The following NFIB variants were observed in gnomAD, a reference collection of about 807,000 sequenced individuals.
The protein encoded by NFIB is nuclear factor 1 B-type.
A neutral mutation model predicts 61.5 loss-of-function variants in NFIB; 11 were observed. That is an observed-to-expected ratio of 0.18 (90% CI 0.11 to 0.30). The LOEUF (loss-of-function observed/expected upper bound fraction) is 0.30. Ranked by LOEUF, NFIB falls within the 10% of genes least tolerant of loss-of-function variation. The pLI, the probability that NFIB is intolerant of heterozygous loss-of-function variation, is 1.00. For missense variants in NFIB, 471 were observed against 608.9 expected (o/e 0.77, Z 2.38); for synonymous variants, 260 against 216.5 (o/e 1.20, Z -1.76).
chr9:14,445,910 T>C, the NFIB span, among the ~76,000 whole-genome samples: 202 of 152,324 alleles, frequency 1.3e-3, no homozygotes, highest in African/African-American at 4.8e-3. Context: ...AATAACATCC[T>C]TTAGAATAGC....
intron 2 of NFIB, among the ~76,000 whole-genome samples, chr9:14,198,605 T>G (rs2048694609): frequency 6.6e-6 from 1 of 152,156 alleles, no homozygotes; most frequent in South Asian, 2.1e-4. Flanking sequence ...GAGCATCAGA[T>G]TCACCTGAGA....
intron 1 of NFIB, among the ~76,000 whole-genome samples, chr9:14,364,639 A>G (rs1391863643): frequency 6.6e-6 from 1 of 152,232 alleles, no homozygotes; most frequent in Non-Finnish European, 1.5e-5. Flanking sequence ...GGATCAAAAT[A>G]GTTTTAAAAA....
intron 2 of NFIB, among the ~76,000 whole-genome samples, chr9:14,222,131 C>T (rs1296677837): frequency 6.6e-6 from 1 of 152,196 alleles, no homozygotes; most frequent in African/African-American, 2.4e-5. Context: ...AGACTTCCTC[C>T]CTTGTCAACT....
chr9:14,247,133 GA>G (rs1280735656), intron 2 of NFIB, among the ~76,000 whole-genome samples: 1 of 152,134 alleles, frequency 6.6e-6, no homozygotes, highest in Non-Finnish European at 1.5e-5. Context: ...TGTGAGAAAA[GA>G]AATTTCTACC....
chr9:14,452,566 ATTTC>A, the NFIB span, among the ~76,000 whole-genome samples: 3 of 152,060 alleles, frequency 2.0e-5, no homozygotes, highest in African/African-American at 4.8e-5. Flanking sequence ...TCAATCTTGT[ATTTC>A]TTTCTTCAGG....
At chr9:14,204,768 G>A (rs149587702) in intron 2 of NFIB, 14 of 528,168 alleles carry the variant, frequency 2.7e-5, no homozygotes, top group Non-Finnish European at 3.8e-5. Context: ...GCCCTGTGTC[G>A]TAAAATGGGG....
chr9:14,453,281 A>G, the NFIB span, among the ~76,000 whole-genome samples: 12 of 152,234 alleles, frequency 7.9e-5, no homozygotes, highest in African/African-American at 2.4e-5. Flanking sequence ...TCTGTGTTTA[A>G]CTTTGACATG....
chr9:14,374,281 A>G (rs567983923), intron 1 of NFIB, among the ~76,000 whole-genome samples: 1 of 152,286 alleles, frequency 6.6e-6, no homozygotes, highest in South Asian at 2.1e-4. Flanking sequence ...AGAAAAGAAG[A>G]GAGAAGTTTC....
At chr9:14,231,779 C>T (rs185824459) in intron 2 of NFIB, among the ~76,000 whole-genome samples, 12 of 152,152 alleles carry the variant, frequency 7.9e-5, no homozygotes, top group Non-Finnish European at 1.5e-4. Context: ...CAAGCTAATC[C>T]TCCTTGCATA....
chr9:14,528,834 A>G, the NFIB span, among the ~76,000 whole-genome samples: 2 of 152,168 alleles, frequency 1.3e-5, no homozygotes, highest in Admixed American at 6.5e-5. Context: ...AAAAGGAAAC[A>G]TATAGCATCA....
chr9:14,348,609 G>T (rs1310722708), intron 1 of NFIB, among the ~76,000 whole-genome samples: 1 of 152,250 alleles, frequency 6.6e-6, no homozygotes, highest in Non-Finnish European at 1.5e-5. Flanking sequence ...GAAACTACCT[G>T]TTGGGGGATT....
At chr9:14,222,756 A>G (rs918025566) in intron 2 of NFIB, among the ~76,000 whole-genome samples, 1 of 129,118 alleles carries the variant, frequency 7.7e-6, no homozygotes, top group Non-Finnish European at 1.6e-5. Context: ...TGATCACACC[A>G]CTGCACTCCA....
chr9:14,447,566 C>A, the NFIB span, among the ~76,000 whole-genome samples: 2 of 152,150 alleles, frequency 1.3e-5, no homozygotes, highest in African/African-American at 2.4e-5. Flanking sequence ...GTAGTGATTT[C>A]TTTTTCTATT....
intron 3 of NFIB, among the ~76,000 whole-genome samples, chr9:14,168,836 C>T (rs1303227350): frequency 3.3e-5 from 5 of 152,248 alleles, no homozygotes; most frequent in East Asian, 3.9e-4. Flanking sequence ...GCAGCCTGAG[C>T]CTTTGTATTC....
At chr9:14,132,667 A>C (rs2040534643) in intron 6 of NFIB, among the ~76,000 whole-genome samples, 1 of 152,068 alleles carries the variant, frequency 6.6e-6, no homozygotes, top group South Asian at 2.1e-4. Context: ...TCCTGGGTTC[A>C]AGCGATCCTC....
chr9:14,530,454 A>G, the NFIB span, among the ~76,000 whole-genome samples: 4 of 151,896 alleles, frequency 2.6e-5, no homozygotes, highest in African/African-American at 9.7e-5. Flanking sequence ...TCCTTGAGGA[A>G]CTGGCCTTTC....
At chr9:14,234,233 C>T (rs925603743) in intron 2 of NFIB, among the ~76,000 whole-genome samples, 1 of 152,110 alleles carries the variant, frequency 6.6e-6, no homozygotes, top group Non-Finnish European at 1.5e-5. Flanking sequence ...AGATCACAAA[C>T]CCATCTGCAA....
intron 2 of NFIB, among the ~76,000 whole-genome samples, chr9:14,295,842 A>G (rs1448168609): frequency 6.6e-6 from 1 of 152,214 alleles, no homozygotes; most frequent in Non-Finnish European, 1.5e-5. Flanking sequence ...ACCAAAATTG[A>G]GTTATTTATT....
chr9:14,237,842 AGTGTGTGTGTGTGTGTGTGTGT>A (rs200054648), intron 2 of NFIB, among the ~76,000 whole-genome samples: 1 of 52,520 alleles, frequency 1.9e-5, no homozygotes, highest in African/African-American at 7.8e-5. Context: ...TAGGTATAAC[AGTGTGTGTGTGTGTGTGTGTGT>A]GTGTGTGTGT....
Sources: gnomAD v4.1 joint callset for allele counts (sites outside exome capture counted in the v4.1 genomes callset) on GRCh38, gnomAD v4.1.1 for gene constraint, MANE v1.5 for transcripts, NCBI Gene and HGNC (gene_info 2026-07-23, HGNC 2026-07-21) for gene names.